SLIT2: variants seen among roughly 807,000 people sequenced by gnomAD.
SLIT2 encodes slit guidance ligand 2.
SLIT2 carries 41 observed loss-of-function variants against 185.7 expected under a neutral mutation model. The observed-to-expected ratio is 0.22, with a 90% CI of 0.17 to 0.29. SLIT2 has a LOEUF of 0.29. Ranked by LOEUF, SLIT2 falls within the 10% of genes least tolerant of loss-of-function variation. The pLI is 1.00. For missense variants in SLIT2, 1,571 were observed against 1,909.0 expected, an observed-to-expected ratio of 0.82 and a Z score of 3.30; for synonymous variants, 693 against 680.2, an observed-to-expected ratio of 1.02 and a Z score of -0.29.
intron 33 of SLIT2, among the ~76,000 whole-genome samples, chr4:20,603,128 A>G (rs941075591): frequency 2.0e-5 from 3 of 152,160 alleles, no homozygotes; most frequent in African/African-American, 7.2e-5. Context: ...CCACATGGCT[A>G]GGGAGGCCTC....
At position 20,524,033 on chromosome 4, in the gene SLIT2, T is replaced by C; in HGVS notation, c.1294T>C (p.Phe432Leu). ...CCAAAGGCATTTGGCCCAGAACCCC[T>C]TTATTTGTGACTGCCATCTCAAGTG... Reference protein sequence around the residue: ...IQTMHLAQNPFICDCHLKWLA... With the variant: ...IQTMHLAQNPLICDCHLKWLA... Residue 432 changes from phenylalanine to leucine, a missense_variant, in exon 14 of 37, where the codon TTT becomes CTT. This residue lies in a region of SLIT2 where 1,202 missense variants were observed against 1,416.4 expected (regional missense o/e 0.85). Transcript: ENST00000504154. 6.2e-7 allele frequency: 1 copy of C among 1,614,194 alleles called. No homozygotes were observed. Among genetic ancestry groups the C allele is most frequent in the Non-Finnish European group, 8.5e-7 (1 of 1,180,022 alleles).
chr4:20,512,678 CAT>C (rs1719863600), intron 11 of SLIT2, among the ~76,000 whole-genome samples: 2 of 152,252 alleles, frequency 1.3e-5, no homozygotes, highest in East Asian at 3.9e-4. Flanking sequence ...CCAGAGTAAA[CAT>C]TGACAAACTC....
intron 4 of SLIT2, among the ~76,000 whole-genome samples, chr4:20,381,194 A>C (rs1431412852): frequency 2.0e-5 from 3 of 152,146 alleles, no homozygotes; most frequent in Admixed American, 6.5e-5. Flanking sequence ...CGGAGGTTGC[A>C]GTGAGCTGAG....
At chr4:20,583,770 C>A (rs957004142) in intron 29 of SLIT2, among the ~76,000 whole-genome samples, 2 of 151,834 alleles carry the variant, frequency 1.3e-5, no homozygotes, top group African/African-American at 4.8e-5. Flanking sequence ...GATCATGCCA[C>A]TGCACTCCAG....
chr4:20,409,811 C>G (rs895945828), intron 4 of SLIT2, among the ~76,000 whole-genome samples: 2 of 152,164 alleles, frequency 1.3e-5, no homozygotes, highest in Admixed American at 6.5e-5. Flanking sequence ...TTGCATTTCT[C>G]TAATGATCAG....
intron 4 of SLIT2, among the ~76,000 whole-genome samples, chr4:20,368,345 A>T (rs920919214): frequency 2.7e-5 from 4 of 149,686 alleles, no homozygotes; most frequent in African/African-American, 1.0e-4. Flanking sequence ...ATAAAATTTA[A>T]AAAAAAAGAT....
chr4:20,567,379 G>A lies in SLIT2; in HGVS notation c.2843G>A (p.Gly948Asp). The A allele has an allele frequency of 1.2e-6, 2 of 1,613,172 alleles. No individual in the cohort carries two copies. Among genetic ancestry groups the A allele is most frequent in the East Asian group, 2.2e-5 (1 of 44,850 alleles). ...TTTTACCGATGCACCTGTCCATATG[G>A]TTTCAAGGTAAGTAAAAGCACTTTA... The part of the protein sequence containing the change: ...VDFYRCTCPY[G>D]FKGQDCDVPI... The change falls in exon 27 of 37, where the codon GGT becomes GAT. Residue 948 changes from glycine to aspartate, a missense_variant. Around this residue, in one of 3 missense-constraint regions of SLIT2, gnomAD observed 1,202 missense variants for 1,416.4 expected, o/e 0.85. Transcript: ENST00000504154.
At chr4:20,618,476 G>T (rs1008777602) in intron 36 of SLIT2, among the ~76,000 whole-genome samples, 1 of 152,172 alleles carries the variant, frequency 6.6e-6, no homozygotes, top group African/African-American at 2.4e-5. Flanking sequence ...AACAGAAGAT[G>T]TGTACTTTTT....
At chr4:20,392,039 G>T (rs1407231877) in intron 4 of SLIT2, 4 of 152,030 alleles carry the variant, frequency 2.6e-5, no homozygotes, top group African/African-American at 7.2e-5. Flanking sequence ...TAGCATGAGA[G>T]AATTTTATAT....
intron 29 of SLIT2, among the ~76,000 whole-genome samples, chr4:20,570,490 G>C (rs2148918420): frequency 6.6e-6 from 1 of 151,760 alleles, no homozygotes; most frequent in Middle Eastern, 3.4e-3. Context: ...GGCTAATTTA[G>C]ACTTCTCCAA....
At chr4:20,375,215 C>T (rs1203508053) in intron 4 of SLIT2, among the ~76,000 whole-genome samples, 1 of 151,992 alleles carries the variant, frequency 6.6e-6, no homozygotes, top group African/African-American at 2.4e-5. Flanking sequence ...GTAGAGTGCA[C>T]ATTCATCCAC....
Position 20,596,482 on chromosome 4 carries a change from T to A in SLIT2, c.3388T>A (p.Cys1130Ser). The A allele has an allele frequency of 6.2e-7, 1 of 1,614,164 alleles. No individual in the cohort carries two copies. The highest frequency in any genetic ancestry group is 8.5e-7 in the Non-Finnish European group (1 of 1,180,002). ...TACCAGCCCCTGTGATAATTTTGAT[T>A]GTCAGAATGGAGCTCAGTGTATCGT... The part of the protein sequence containing the change: ...PRTSPCDNFD[C>S]QNGAQCIVRI... The change falls in exon 32 of 37, where the codon TGT (cysteine) becomes AGT (serine). Residue 1130 changes from cysteine to serine, a missense_variant. Coordinates refer to ENST00000504154, the MANE Select transcript of SLIT2 (RefSeq NM_004787.4).
chr4:20,284,824 TAAAAC>T (rs956683758), intron 4 of SLIT2, among the ~76,000 whole-genome samples: 2 of 152,216 alleles, frequency 1.3e-5, no homozygotes, highest in African/African-American at 2.4e-5. Context: ...AATTTGCAAA[TAAAAC>T]AATATTACTA....
At chr4:20,599,621 T>C (rs1728259496) in intron 33 of SLIT2, among the ~76,000 whole-genome samples, 1 of 152,206 alleles carries the variant, frequency 6.6e-6, no homozygotes, top group Non-Finnish European at 1.5e-5. Context: ...CAGTTCTTCG[T>C]GGAGAAAATA....
chr4:20,375,453 TA>T (rs1723941990), intron 4 of SLIT2, among the ~76,000 whole-genome samples: 1 of 152,124 alleles, frequency 6.6e-6, no homozygotes. Flanking sequence ...AGTTTATACT[TA>T]AAAATATCCT....
chr4:20,535,893 C>T lies in SLIT2; in HGVS notation c.1832+2178C>T, dbSNP rs565947567. Among the ~76,000 whole-genome samples, 4 of 152,210 alleles carry T rather than the reference C, an allele frequency of 2.6e-5. No homozygotes were observed. In the East Asian group the frequency reaches 7.8e-4, roughly 30 times the overall value. On this transcript the variant is annotated intron_variant, in intron 18 of 36. Coordinates refer to ENST00000504154, the MANE Select transcript of SLIT2 (RefSeq NM_004787.4). Reference sequence around the variant, plus strand: ...ATGTTCTGATAAATGTGTCATTAGGCAACGTTGCCATTGTGCGAACATCCT... The same window carrying T: ...ATGTTCTGATAAATGTGTCATTAGGTAACGTTGCCATTGTGCGAACATCCT...
chr4:20,297,463 G>A (rs1041163768), intron 4 of SLIT2, among the ~76,000 whole-genome samples: 2 of 152,114 alleles, frequency 1.3e-5, no homozygotes, highest in Non-Finnish European at 2.9e-5. Flanking sequence ...TTTTGAATGA[G>A]CTATTCGCCA....
rs940145573 is a variant in SLIT2, at chr4:20,252,080, C to G, written c.-1736C>G. Among the ~76,000 whole-genome samples, 2 of 152,114 alleles carry G rather than the reference C, an allele frequency of 1.3e-5. No individual in the cohort carries two copies. The highest frequency in any genetic ancestry group is 1.9e-4 in the East Asian group (1 of 5,148). ...GCGCCCAGGCGCAGGCCGAAGCTGC[C>G]GCGCTTTCTGGGCACGGCGGGAGTG... On this transcript the variant is annotated 5_prime_UTR_variant, in exon 1 of 37. Transcript: ENST00000504154.
At chr4:20,330,410 T>A (rs968134550) in intron 4 of SLIT2, among the ~76,000 whole-genome samples, 1 of 152,098 alleles carries the variant, frequency 6.6e-6, no homozygotes, top group Admixed American at 6.6e-5. Context: ...GGTGTTAGAC[T>A]AGCACTATTG....
Sources: gnomAD v4.1 joint callset for allele counts (sites outside exome capture counted in the v4.1 genomes callset) on GRCh38, gnomAD v4.1.1 for gene constraint, gnomAD v4.1.1 regional missense constraint, MANE v1.5 for transcripts, NCBI Gene and HGNC (gene_info 2026-07-23, HGNC 2026-07-21) for gene names.